Variants in VSNL1 observed in about 807,000 individuals in gnomAD.
VSNL1 encodes the protein visinin-like protein 1.
VSNL1 carries 6 observed loss-of-function variants against 20.4 expected under a neutral mutation model. The observed-to-expected ratio is 0.29, with a 90% CI of 0.16 to 0.58. VSNL1 has a LOEUF of 0.58. Among genes scored for constraint, VSNL1 ranks in the 20% least tolerant of loss-of-function variants. The pLI, the probability that VSNL1 is intolerant of heterozygous loss-of-function variation, is 0.90. For missense variants in VSNL1, 100 were observed against 234.5 expected, an observed-to-expected ratio of 0.43 and a Z score of 3.75; for synonymous variants, 93 against 86.4, an observed-to-expected ratio of 1.08 and a Z score of -0.42.
At chr2:17,561,697 T>C (rs964102099) in intron 1 of VSNL1, among the ~76,000 whole-genome samples, 1 of 152,156 alleles carries the variant, frequency 6.6e-6, no homozygotes, top group Non-Finnish European at 1.5e-5. Context: ...TTCCTTTTGA[T>C]ATGGCACAAA....
At chr2:17,645,033 C>T (rs917777668) in intron 2 of VSNL1, among the ~76,000 whole-genome samples, 1 of 152,262 alleles carries the variant, frequency 6.6e-6, no homozygotes, top group Non-Finnish European at 1.5e-5. Context: ...GCAGACCTCT[C>T]CAAGACTGTG....
chr2:17,640,240 G>A (rs529953499), intron 2 of VSNL1, among the ~76,000 whole-genome samples: 52 of 138,810 alleles, frequency 3.7e-4, no homozygotes, highest in Admixed American at 9.7e-4. Context: ...GCAACAGAGC[G>A]AGACTCTGTT....
intron 1 of VSNL1, among the ~76,000 whole-genome samples, chr2:17,578,422 T>C (rs1469687104): frequency 6.6e-6 from 1 of 152,192 alleles, no homozygotes; most frequent in Non-Finnish European, 1.5e-5. Flanking sequence ...TGGAGGGACA[T>C]TAGGTTAATG....
At chr2:17,638,641 G>A (rs1665813194) in intron 2 of VSNL1, among the ~76,000 whole-genome samples, 1 of 152,212 alleles carries the variant, frequency 6.6e-6, no homozygotes, top group Non-Finnish European at 1.5e-5. Context: ...TGGAGTCCAA[G>A]CTGCCCACAC....
At chr2:17,557,605 G>C (rs951427676) in intron 1 of VSNL1, among the ~76,000 whole-genome samples, 3 of 152,172 alleles carry the variant, frequency 2.0e-5, no homozygotes, top group Non-Finnish European at 4.4e-5. Context: ...TTTGCCTCCT[G>C]AGATTGCTAC....
At chr2:17,645,823 G>C (rs2103426545) in intron 2 of VSNL1, among the ~76,000 whole-genome samples, 1 of 148,952 alleles carries the variant, frequency 6.7e-6, no homozygotes, top group East Asian at 1.9e-4. Context: ...TTCGGTTCAG[G>C]GACAGGGTAT....
At chr2:17,610,540 T>C (rs1332995212) in intron 2 of VSNL1, among the ~76,000 whole-genome samples, 1 of 152,184 alleles carries the variant, frequency 6.6e-6, no homozygotes, top group African/African-American at 2.4e-5. Context: ...CTAAGATTTA[T>C]TTCTTCCCAG....
At chr2:17,644,216 A>G (rs1306557819) in intron 2 of VSNL1, among the ~76,000 whole-genome samples, 1 of 152,226 alleles carries the variant, frequency 6.6e-6, no homozygotes, top group Non-Finnish European at 1.5e-5. Flanking sequence ...ATGACCTCTC[A>G]AAGGCATATG....
At chr2:17,607,125 T>C (rs1664961636) in intron 2 of VSNL1, among the ~76,000 whole-genome samples, 1 of 152,088 alleles carries the variant, frequency 6.6e-6, no homozygotes, top group South Asian at 2.1e-4. Context: ...CCTGTCTTAG[T>C]GGGGTCTTAT....
chr2:17,558,581 T>C (rs1229836795), intron 1 of VSNL1, among the ~76,000 whole-genome samples: 2 of 152,210 alleles, frequency 1.3e-5, no homozygotes, highest in East Asian at 3.8e-4. Context: ...GTAAGTGACA[T>C]GCCCACAGTC....
intron 2 of VSNL1, among the ~76,000 whole-genome samples, chr2:17,605,067 C>T (rs1057107253): frequency 3.9e-5 from 6 of 152,182 alleles, no homozygotes; most frequent in Admixed American, 6.5e-5. Context: ...AGTTTTAGGG[C>T]AATGGCCTTC....
At chr2:17,552,909 CT>C (rs1663578563) in intron 1 of VSNL1, among the ~76,000 whole-genome samples, 1 of 152,138 alleles carries the variant, frequency 6.6e-6, no homozygotes, top group Non-Finnish European at 1.5e-5. Context: ...CCTTATCACT[CT>C]GAACAAGTTG....
chr2:17,600,291 T>G (rs1173907725), intron 2 of VSNL1, among the ~76,000 whole-genome samples: 4 of 152,202 alleles, frequency 2.6e-5, no homozygotes, highest in Non-Finnish European at 5.9e-5. Context: ...GCCTTGCTTA[T>G]TTCGTGGGCT....
chr2:17,542,965 A>T (rs1241350400), intron 1 of VSNL1, among the ~76,000 whole-genome samples: 1 of 152,218 alleles, frequency 6.6e-6, no homozygotes, highest in Non-Finnish European at 1.5e-5. Context: ...AACAATTAAA[A>T]AGTAATGTTG....
chr2:17,589,176 T>C (rs73919100), intron 1 of VSNL1, among the ~76,000 whole-genome samples: 16,792 of 152,126 alleles, frequency 0.11, 1,209 homozygotes, highest in African/African-American at 0.2. Flanking sequence ...GGGAAGTCAT[T>C]CTAGGAGAAG....
At chr2:17,562,742 A>T (rs1051497435) in intron 1 of VSNL1, among the ~76,000 whole-genome samples, 3 of 152,178 alleles carry the variant, frequency 2.0e-5, no homozygotes, top group Non-Finnish European at 4.4e-5. Context: ...ATCTCTAGGG[A>T]TTTATTGTCT....
chr2:17,646,159 C>CA (rs1163282791), intron 2 of VSNL1, among the ~76,000 whole-genome samples: 1 of 149,702 alleles, frequency 6.7e-6, no homozygotes, highest in African/African-American at 2.6e-5. Context: ...GTCCTTGACA[C>CA]ATAGCAGCTG....
chr2:17,570,263 G>A (rs1664049413), intron 1 of VSNL1, among the ~76,000 whole-genome samples: 1 of 152,136 alleles, frequency 6.6e-6, no homozygotes, highest in Non-Finnish European at 1.5e-5. Flanking sequence ...CCCTACATGC[G>A]TAGGGTAGAA....
intron 1 of VSNL1, among the ~76,000 whole-genome samples, chr2:17,564,388 T>A (rs62131520): frequency 0.033 from 5,035 of 152,336 alleles, 89 homozygotes; most frequent in East Asian, 0.097. Flanking sequence ...TCATTAAATG[T>A]ACCTTTATTA....
Sources: gnomAD v4.1 joint callset for allele counts (sites outside exome capture counted in the v4.1 genomes callset) on GRCh38, gnomAD v4.1.1 for gene constraint, MANE v1.5 for transcripts, NCBI Gene and HGNC (gene_info 2026-07-23, HGNC 2026-07-21) for gene names.